XRCC4: variants seen among roughly 807,000 people sequenced by gnomAD.
XRCC4 encodes the protein DNA repair protein XRCC4.
In XRCC4, 28 loss-of-function variants were observed where a neutral mutation model predicts 39.1. The observed-to-expected ratio is 0.72, with a 90% CI of 0.53 to 0.98. XRCC4 has a LOEUF of 0.98. Ranked by LOEUF, XRCC4 falls within the 50% of genes least tolerant of loss-of-function variation. The pLI is 0.00. For synonymous variants in XRCC4, 123 were observed against 126.4 expected (o/e 0.97, Z 0.18); for missense variants, 350 against 376.4 (o/e 0.93, Z 0.58).
In XRCC4 at chr5:83,115,368, G is replaced by A. The variant is rs553348554; in HGVS notation, c.315+4165G>A. Reference sequence around the variant, plus strand: ...CTTGAACCCGGAAGGCAGAGGTTGCGGTAAGCCAAGATCACACCATTGCAC... The same window carrying A: ...CTTGAACCCGGAAGGCAGAGGTTGCAGTAAGCCAAGATCACACCATTGCAC... On this transcript the variant is annotated intron_variant, in intron 3 of 7. Transcript: ENST00000396027. Among the ~76,000 whole-genome samples, 31 of 152,196 alleles carry A rather than the reference G, an allele frequency of 2.0e-4. No homozygotes were observed. In the South Asian group the frequency reaches 5.8e-3, roughly 28 times the overall value.
chr5:83,341,059 C>G (rs1385496293), intron 7 of XRCC4, among the ~76,000 whole-genome samples: 2 of 152,040 alleles, frequency 1.3e-5, no homozygotes, highest in Non-Finnish European at 2.9e-5. Flanking sequence ...CCAGAAGACA[C>G]TAGTTTCTTG....
intron 7 of XRCC4, among the ~76,000 whole-genome samples, chr5:83,294,517 G>A (rs1356475157): frequency 6.6e-6 from 1 of 152,008 alleles, no homozygotes; most frequent in Non-Finnish European, 1.5e-5. Context: ...TGTTTTAGGA[G>A]CATTGGATAG....
intron 2 of XRCC4, among the ~76,000 whole-genome samples, chr5:83,106,653 A>G (rs1283818650): frequency 6.6e-6 from 1 of 152,010 alleles, no homozygotes; most frequent in Non-Finnish European, 1.5e-5. Flanking sequence ...TTTATGGAAC[A>G]TTTCGTTTAT....
intron 3 of XRCC4, among the ~76,000 whole-genome samples, chr5:83,192,319 A>ATTTTTT (rs1554063299): frequency 2.8e-5 from 4 of 143,498 alleles, no homozygotes; most frequent in South Asian, 2.2e-4. Context: ...ATATATATAT[A>ATTTTTT]TTTTTTTGAG....
chr5:83,357,853 C>G (rs1757207477), downstream of XRCC4, among the ~76,000 whole-genome samples: 1 of 152,144 alleles, frequency 6.6e-6, no homozygotes, highest in South Asian at 2.1e-4. Flanking sequence ...CTTTTCATGT[C>G]TCTGTCATTC....
At chr5:83,138,539 T>C (rs190989368) in intron 3 of XRCC4, among the ~76,000 whole-genome samples, 4 of 152,086 alleles carry the variant, frequency 2.6e-5, no homozygotes, top group East Asian at 3.9e-4. Context: ...TTACAAAGTA[T>C]ACTATAAGCA....
At chr5:83,090,071 G>A (rs1242840399) in intron 1 of XRCC4, among the ~76,000 whole-genome samples, 1 of 152,050 alleles carries the variant, frequency 6.6e-6, no homozygotes, top group East Asian at 1.9e-4. Flanking sequence ...GTTTTTTTGA[G>A]ACAGGGTTTC....
chr5:83,296,615 A>G (rs1755104196), intron 7 of XRCC4, among the ~76,000 whole-genome samples: 1 of 152,030 alleles, frequency 6.6e-6, no homozygotes, highest in Non-Finnish European at 1.5e-5. Flanking sequence ...TACATGAATT[A>G]TATTTTATTA....
At chr5:83,332,929 C>T (rs376400444) in intron 7 of XRCC4, among the ~76,000 whole-genome samples, 90 of 152,172 alleles carry the variant, frequency 5.9e-4, no homozygotes, top group African/African-American at 1.7e-3. Context: ...TGAATCAGTA[C>T]GATATCTAAG....
intron 3 of XRCC4, among the ~76,000 whole-genome samples, chr5:83,174,863 A>G (rs1749881438): frequency 6.6e-6 from 1 of 151,704 alleles, no homozygotes; most frequent in African/African-American, 2.4e-5. Flanking sequence ...TTAAAAATTC[A>G]TGGTGTGGTA....
chr5:83,285,973 G>A lies in XRCC4; in HGVS notation c.893+27296G>A, dbSNP rs562042813. Among the ~76,000 whole-genome samples, 3 of 152,176 alleles carry A rather than the reference G, an allele frequency of 2.0e-5. No individual in the cohort carries two copies. The South Asian group carries it at 6.2e-4, about 32-fold the overall frequency. ...TCAAAGTTTATTTGAATCAGAGTGG[G>A]ATTAGTCTAAGATATCCCCTGTGCT... On this transcript the variant is annotated intron_variant, in intron 7 of 7. Transcript: ENST00000396027.
chr5:83,309,513 G>A (rs982321483), intron 7 of XRCC4, among the ~76,000 whole-genome samples: 2 of 150,856 alleles, frequency 1.3e-5, no homozygotes, highest in African/African-American at 2.4e-5. Flanking sequence ...TGTAATCCCA[G>A]CACTTTGGGA....
rs114962695 is a variant in XRCC4 at position 83,095,607 on chromosome 5, A to G, written c.-10-9303A>G. Among the ~76,000 whole-genome samples the G allele has an allele frequency of 3.9e-3, 594 of 152,030 alleles. 6 individuals are homozygous for G. The highest frequency in any genetic ancestry group is 0.013 in the African/African-American group (553 of 41,504). On this transcript the variant is annotated intron_variant, in intron 1 of 7. Transcript: ENST00000396027. ...CTGGCTAGTCTTCTGGTAGTTCTCT[A>G]CCTAGACAGGATTACTCCTGGACTG...
intron 1 of XRCC4, among the ~76,000 whole-genome samples, chr5:83,091,555 ACT>A (rs1247187452): frequency 2.0e-5 from 3 of 151,822 alleles, no homozygotes; most frequent in African/African-American, 7.3e-5. Flanking sequence ...CCACCATTCT[ACT>A]CTCTGCTTCT....
intron 7 of XRCC4, among the ~76,000 whole-genome samples, chr5:83,338,509 T>C (rs1390689197): frequency 1.3e-5 from 2 of 152,232 alleles, no homozygotes; most frequent in African/African-American, 4.8e-5. Context: ...ACATTAATTT[T>C]ATTAAATGTA....
intron 6 of XRCC4, among the ~76,000 whole-genome samples, chr5:83,254,450 A>C (rs977288677): frequency 2.0e-5 from 3 of 152,118 alleles, no homozygotes; most frequent in Admixed American, 1.3e-4. Context: ...TCTCTCTCAT[A>C]TCTAAAATGA....
chr5:83,312,079 A>G (rs1306088149), intron 7 of XRCC4, among the ~76,000 whole-genome samples: 1 of 152,192 alleles, frequency 6.6e-6, no homozygotes, highest in African/African-American at 2.4e-5. Flanking sequence ...CTTGCCACAC[A>G]GAAAGCTGAA....
chr5:83,221,061 A>G (rs979300063), intron 6 of XRCC4, among the ~76,000 whole-genome samples: 1 of 152,130 alleles, frequency 6.6e-6, no homozygotes, highest in Non-Finnish European at 1.5e-5. Flanking sequence ...CATAACTTCT[A>G]GAAGTATTTG....
At chr5:83,311,983 C>A (rs1286707881) in intron 7 of XRCC4, among the ~76,000 whole-genome samples, 1 of 152,124 alleles carries the variant, frequency 6.6e-6, no homozygotes, top group East Asian at 1.9e-4. Context: ...ATACAGTCAC[C>A]AGGAAGCTCC....
Sources: gnomAD v4.1 joint callset for allele counts (sites outside exome capture counted in the v4.1 genomes callset) on GRCh38, gnomAD v4.1.1 for gene constraint, MANE v1.5 for transcripts, NCBI Gene and HGNC (gene_info 2026-07-23, HGNC 2026-07-21) for gene names.